Variants in NPAT observed in about 807,000 individuals in gnomAD.
The protein encoded by NPAT is protein NPAT.
Under a neutral mutation model 130.7 loss-of-function variants are expected in NPAT, and 52 were observed. The ratio of observed to expected loss-of-function variants is 0.40; its 90% CI spans 0.32 to 0.50. NPAT has a LOEUF of 0.50. Among genes scored for constraint, NPAT ranks in the 20% least tolerant of loss-of-function variants. The probability of loss-of-function intolerance (pLI) is 0.68; values close to 1 mark genes in which losing one functional copy is unlikely to be tolerated. For synonymous variants in NPAT, 580 were observed against 584.8 expected, an observed-to-expected ratio of 0.99 and a Z score of 0.12; for missense variants, 1,687 against 1,662.6, an observed-to-expected ratio of 1.01 and a Z score of -0.26.
chr11:108,222,445 CCTT>C, intron 1 of NPAT, 52 bp downstream of exon 1: 1 of 1,598,036 alleles, frequency 6.3e-7, no homozygotes, highest in Non-Finnish European at 8.6e-7. Flanking sequence ...CCTCAAAGGT[CCTT>C]CTGTCCAGCA....
intron 2 of NPAT, among the ~76,000 whole-genome samples, chr11:108,195,360 C>A (rs1345051441): frequency 4.6e-5 from 7 of 152,160 alleles, no homozygotes; most frequent in African/African-American, 4.8e-5. Flanking sequence ...GAAGGACTTG[C>A]CAGTTTTTAA....
intron 6 of NPAT, 24 bp from the exon 7 acceptor site, chr11:108,188,203 G>A (rs751982833): frequency 1.3e-6 from 2 of 1,556,022 alleles, no homozygotes; most frequent in South Asian, 2.2e-5. Flanking sequence ...AAACATAACA[G>A]TAAGCCAAAG....
At chr11:108,220,609 T>C (rs527695723) in intron 1 of NPAT, among the ~76,000 whole-genome samples, 1 of 152,038 alleles carries the variant, frequency 6.6e-6, no homozygotes, top group Non-Finnish European at 1.5e-5. Context: ...GGGGTACTGA[T>C]AGGAAAAGAA....
intron 15 of NPAT, among the ~76,000 whole-genome samples, chr11:108,167,407 C>T (rs2077911480): frequency 1.3e-5 from 2 of 152,148 alleles, no homozygotes; most frequent in Admixed American, 1.3e-4. Flanking sequence ...GAGATGTGGT[C>T]TCACTATATT....
chr11:108,182,553 A>G (rs2078067716), intron 10 of NPAT, among the ~76,000 whole-genome samples: 3 of 152,378 alleles, frequency 2.0e-5, no homozygotes, highest in Middle Eastern at 3.4e-3. Flanking sequence ...GCTGGAGTGC[A>G]GTGGCGCGAT....
chr11:108,202,931 G>C (rs2078287878), intron 1 of NPAT, among the ~76,000 whole-genome samples: 1 of 152,146 alleles, frequency 6.6e-6, no homozygotes, highest in African/African-American at 2.4e-5. Context: ...CACCTCCAGA[G>C]TGATAATGGG....
chr11:108,192,823 G>A (rs147914005), intron 3 of NPAT, among the ~76,000 whole-genome samples: 1 of 152,016 alleles, frequency 6.6e-6, no homozygotes, highest in Non-Finnish European at 1.5e-5. Context: ...GCATGGTGGC[G>A]TGCGCCTATA....
Position 108,172,939 on chromosome 11 carries a change from C to T in NPAT, c.2045G>A (p.Cys682Tyr), listed in dbSNP as rs1213496407. The change falls in exon 13 of 18, where the codon TGT (cysteine) becomes TAT (tyrosine). Residue 682 changes from cysteine (C) to tyrosine (Y), a missense_variant. Around this residue, in one of 3 missense-constraint regions of NPAT, gnomAD observed 1,379 missense variants for 1,346.6 expected, o/e 1.02. Coordinates refer to ENST00000278612, the MANE Select transcript of NPAT (RefSeq NM_002519.3). ...IFLSLGGNAN[C>Y]EKVALTPPEG... ...TGGAGGCGTCAGTGCAACTTTCTCA[C>T]AGTTAGCATTTCCACCTAAAGAGAG... 2.5e-6 allele frequency: 4 copies of T among 1,614,140 alleles called. No individual in the cohort carries two copies. Among genetic ancestry groups the T allele is most frequent in the African/African-American group, 1.3e-5 (1 of 75,044 alleles).
intron 15 of NPAT, 55 bp from the exon 16 acceptor site, chr11:108,162,235 A>AG: frequency 4.0e-6 from 6 of 1,484,802 alleles, no homozygotes; most frequent in Non-Finnish European, 4.7e-6. Context: ...CTGAAAGAGG[A>AG]TAGAACAGAT....
rs571718179 is a variant in NPAT at position 108,189,309 on chromosome 11, G to C, written c.353C>G (p.Ala118Gly). Residue 118 changes from alanine (A) to glycine (G), a missense_variant, in exon 6 of 18, where the codon GCA becomes GGA. Physicochemically the swap from Ala to Gly is moderately conservative, Grantham distance 60. This residue lies in a region of NPAT where 307 missense variants were observed against 298.9 expected (regional missense o/e 1.03). Transcript: ENST00000278612. Reference sequence around the variant, plus strand: ...AAGCTTTCTCTGCCGTTTGATTTCTGCAATTCCAGTTCTCGTTCGGGCTGA... The same window carrying C: ...AAGCTTTCTCTGCCGTTTGATTTCTCCAATTCCAGTTCTCGTTCGGGCTGA... ...SQRARTRTGI[A>G]EIKRQRKLAS... The C allele has an allele frequency of 2.5e-6, 4 of 1,614,144 alleles. No homozygotes were observed. Among genetic ancestry groups the C allele is most frequent in the Non-Finnish European group, 3.4e-6 (4 of 1,180,018 alleles).
rs541439673 is a variant in NPAT at position 108,188,152 on chromosome 11, C to A, written c.584G>T (p.Gly195Val). Residue 195 changes from glycine to valine, a missense_variant, in exon 7 of 18, where the codon GGT becomes GTT. By Grantham distance (109) the Gly-to-Val change is moderately radical (BLOSUM62 -3). Transcript: ENST00000278612. ...GGCATGTGCTTTCTTTTCCTGAGCA[C>A]CAGGAATGACATTTAAAGCTTCTCC... Reference protein sequence around the residue: ...TTGEALNVIPGAQEKKAHASL... With the variant: ...TTGEALNVIPVAQEKKAHASL... 1.2e-5 allele frequency: 20 copies of A among 1,612,438 alleles called. No homozygotes were observed. The South Asian group carries it at 2.1e-4, about 17-fold the overall frequency.
chr11:108,165,065 G>T (rs2077888572), intron 15 of NPAT, among the ~76,000 whole-genome samples: 1 of 151,916 alleles, frequency 6.6e-6, no homozygotes, highest in South Asian at 2.1e-4. Context: ...TGAGGGTTAG[G>T]GTGGTGGGTA....
chr11:108,189,889 A>T (rs2078149788), intron 5 of NPAT, among the ~76,000 whole-genome samples: 1 of 151,676 alleles, frequency 6.6e-6, no homozygotes, highest in Admixed American at 6.6e-5. Context: ...AAAAAACAAA[A>T]AACAAGAAAC....
Position 108,159,346 on chromosome 11 carries a change from T to C in NPAT, c.4207-327A>G, listed in dbSNP as rs192774894. 6.6e-5 allele frequency among the ~76,000 whole-genome samples: 10 copies of C among 152,326 alleles called. No homozygotes were observed. The East Asian group carries it at 1.9e-3, about 29-fold the overall frequency. ...CTGCTTAGAAAGCTTTACTAACAGATGTTTAGGGTTACAGGTACTTATCAG... is the reference window on the plus strand; with the variant it reads ...CTGCTTAGAAAGCTTTACTAACAGACGTTTAGGGTTACAGGTACTTATCAG... On this transcript the variant is annotated intron_variant, in intron 17 of 17. Transcript: ENST00000278612.
intron 10 of NPAT, among the ~76,000 whole-genome samples, chr11:108,183,457 A>T (rs1014729785): frequency 1.3e-5 from 2 of 152,218 alleles, no homozygotes; most frequent in Admixed American, 6.5e-5. Context: ...CTATTGTCCA[A>T]TGGTCCAAGT....
At chr11:108,214,991 C>G (rs951466120) in intron 1 of NPAT, among the ~76,000 whole-genome samples, 10 of 152,120 alleles carry the variant, frequency 6.6e-5, no homozygotes, top group African/African-American at 2.4e-4. Context: ...ACCCTAATTT[C>G]CTCTTCAGCC....
chr11:108,191,422 T>TA (rs1328990204), intron 4 of NPAT, among the ~76,000 whole-genome samples: 1 of 152,110 alleles, frequency 6.6e-6, no homozygotes, highest in Non-Finnish European at 1.5e-5. Flanking sequence ...GCCATTATCA[T>TA]AAAAAATATG....
rs539278450 is a variant in NPAT at position 108,185,569 on chromosome 11, A to T, written c.727-75T>A. ...TATTTAATATTTATAAGAAAAGAACAAACCGATAAGAGCTGGATAGTTTTA... is the reference window on the plus strand; with the variant it reads ...TATTTAATATTTATAAGAAAAGAACTAACCGATAAGAGCTGGATAGTTTTA... On this transcript the variant is annotated intron_variant, in intron 8 of 17. Transcript: ENST00000278612. 8 of 1,009,502 alleles carry T rather than the reference A, an allele frequency of 7.9e-6. No homozygotes were observed. The African/African-American group carries it at 8.0e-5, about 10-fold the overall frequency. The allele number at this position is 1,009,502 out of a possible 1,614,324, so 62.5% of individuals were successfully genotyped here. A position where few individuals can be genotyped will look rare whatever the true frequency, so the allele number is the denominator to read the frequency against.
At chr11:108,163,456 T>C (rs2077872435) in intron 15 of NPAT, among the ~76,000 whole-genome samples, 1 of 152,076 alleles carries the variant, frequency 6.6e-6, no homozygotes, top group African/African-American at 2.4e-5. Context: ...ATGTGGAAGA[T>C]GGAACTGAGA....
Sources: gnomAD v4.1 joint callset for allele counts (sites outside exome capture counted in the v4.1 genomes callset) on GRCh38, gnomAD v4.1.1 for gene constraint, gnomAD v4.1.1 regional missense constraint, MANE v1.5 for transcripts, NCBI Gene and HGNC (gene_info 2026-07-23, HGNC 2026-07-21) for gene names.